RALYL: variants seen among roughly 807,000 people sequenced by gnomAD.
RALYL encodes the protein RALY RNA binding protein like.
Under a neutral mutation model 35.1 loss-of-function variants are expected in RALYL, and 29 were observed. The observed-to-expected ratio is 0.83, with a 90% CI of 0.61 to 1.13. The LOEUF (loss-of-function observed/expected upper bound fraction) is 1.13, where lower values mean the gene tolerates loss of function less well. Among genes scored for constraint, RALYL ranks in the 50% most tolerant of loss-of-function variants. The probability of loss-of-function intolerance (pLI) is 0.00; values close to 1 mark genes in which losing one functional copy is unlikely to be tolerated. For missense variants in RALYL, 359 were observed against 360.4 expected (o/e 1.00, Z 0.03); for synonymous variants, 120 against 127.6 (o/e 0.94, Z 0.40).
chr8:84,387,755 G>C (rs1302118787), intron 1 of RALYL, among the ~76,000 whole-genome samples: 2 of 149,720 alleles, frequency 1.3e-5, no homozygotes, highest in African/African-American at 2.5e-5. Flanking sequence ...ATCTCCTTCT[G>C]CAGTTCCCTT....
At chr8:84,854,428 C>T (rs150919537) in intron 5 of RALYL, among the ~76,000 whole-genome samples, 41 of 152,206 alleles carry the variant, frequency 2.7e-4, no homozygotes, top group African/African-American at 8.7e-4. Flanking sequence ...ACAGCAGTGT[C>T]CATATAACTG....
rs180905523 is a variant in RALYL at position 84,431,182 on chromosome 8, G to T, written c.-23-98117G>T. Among the ~76,000 whole-genome samples the T allele has an allele frequency of 1.5e-3, 227 of 152,198 alleles. 2 individuals are homozygous for T. The highest frequency in any genetic ancestry group is 4.5e-3 in the African/African-American group (185 of 41,520). On this transcript the variant is annotated intron_variant, in intron 1 of 8. Transcript: ENST00000521268. ...TTTAGCCCTCACAACAGCCTATAAGGTTTTACTGTTAAGCCTCCTTCCACT... is the reference window on the plus strand; with the variant it reads ...TTTAGCCCTCACAACAGCCTATAAGTTTTTACTGTTAAGCCTCCTTCCACT...
intron 1 of RALYL, among the ~76,000 whole-genome samples, chr8:84,236,904 A>C (rs2131512835): frequency 6.6e-6 from 1 of 152,320 alleles, no homozygotes; most frequent in South Asian, 2.1e-4. Flanking sequence ...TGAAAGAAAT[A>C]ATATGGTGTA....
chr8:84,891,047 G>A (rs779250542), intron 8 of RALYL, among the ~76,000 whole-genome samples: 6 of 152,140 alleles, frequency 3.9e-5, no homozygotes, highest in Non-Finnish European at 7.4e-5. Flanking sequence ...CTTAGGGACC[G>A]AGATATTTCA....
chr8:84,758,702 A>T (rs1812005515), intron 2 of RALYL, among the ~76,000 whole-genome samples: 1 of 152,136 alleles, frequency 6.6e-6, no homozygotes, highest in African/African-American at 2.4e-5. Flanking sequence ...AAGATGAAAG[A>T]CACCATCTTT....
chr8:84,221,205 A>G (rs1284312274), intron 1 of RALYL, among the ~76,000 whole-genome samples: 1 of 152,074 alleles, frequency 6.6e-6, no homozygotes, highest in Non-Finnish European at 1.5e-5. Context: ...ATATCAGTTA[A>G]TTAATTCCAG....
intron 3 of RALYL, among the ~76,000 whole-genome samples, chr8:84,791,592 T>C (rs1305259761): frequency 6.6e-6 from 1 of 152,150 alleles, no homozygotes; most frequent in African/African-American, 2.4e-5. Context: ...TAGGGTAGAA[T>C]GTGGGAGACC....
chr8:84,760,190 C>T (rs970736357), intron 2 of RALYL, among the ~76,000 whole-genome samples: 1 of 152,016 alleles, frequency 6.6e-6, no homozygotes, highest in African/African-American at 2.4e-5. Flanking sequence ...GTGAATGACA[C>T]TGTAAATTTA....
chr8:84,797,523 T>C (rs551598974), intron 3 of RALYL, among the ~76,000 whole-genome samples: 64 of 152,312 alleles, frequency 4.2e-4, no homozygotes, highest in African/African-American at 1.3e-3. Flanking sequence ...GGAAGTGTGG[T>C]GGGGACAGAT....
chr8:84,788,428 G>T (rs529032047), intron 3 of RALYL, among the ~76,000 whole-genome samples: 3 of 152,182 alleles, frequency 2.0e-5, no homozygotes, highest in African/African-American at 7.2e-5. Context: ...TCTTTAAAGA[G>T]AATTTTATAA....
At chr8:84,915,095 A>G (rs1186821568) in intron 8 of RALYL, among the ~76,000 whole-genome samples, 2 of 152,042 alleles carry the variant, frequency 1.3e-5, no homozygotes. Flanking sequence ...TAGAAACCAA[A>G]TGAAAATATA....
intron 2 of RALYL, among the ~76,000 whole-genome samples, chr8:84,656,784 T>A (rs1830035153): frequency 6.6e-6 from 1 of 151,960 alleles, no homozygotes; most frequent in African/African-American, 2.4e-5. Flanking sequence ...TGAGAAAAAA[T>A]ATATTTTAAA....
intron 5 of RALYL, among the ~76,000 whole-genome samples, chr8:84,852,715 A>G (rs1273920851): frequency 1.3e-5 from 2 of 152,192 alleles, no homozygotes; most frequent in African/African-American, 4.8e-5. Flanking sequence ...TCAGACCCCA[A>G]GAGAGGGTTC....
At chr8:84,517,611 T>C (rs1244920538) in intron 1 of RALYL, among the ~76,000 whole-genome samples, 1 of 152,112 alleles carries the variant, frequency 6.6e-6, no homozygotes, top group African/African-American at 2.4e-5. Context: ...AAAGTCCAAA[T>C]TCAGCTTCAG....
At chr8:84,235,642 A>C (rs1826348931) in intron 1 of RALYL, among the ~76,000 whole-genome samples, 2 of 152,218 alleles carry the variant, frequency 1.3e-5, no homozygotes, top group South Asian at 4.1e-4. Context: ...CTAAAACCTC[A>C]ACACAGCATT....
chr8:84,785,545 C>G (rs901241206), intron 3 of RALYL, among the ~76,000 whole-genome samples: 3 of 152,116 alleles, frequency 2.0e-5, no homozygotes, highest in African/African-American at 7.2e-5. Context: ...TTCCTTCAAA[C>G]TCGGTGCAGT....
rs142908462 is a variant in RALYL at position 84,427,961 on chromosome 8, G to A, written c.-23-101338G>A. On this transcript the variant is annotated intron_variant, in intron 1 of 8. Transcript: ENST00000521268. ...TTCAATTCATTATTGCTAAGGCAAT[G>A]AATCTATCTTCAAATCTGTATGTCT... is the stretch of plus-strand genomic sequence containing the variant. Among the ~76,000 whole-genome samples, 7 of 152,214 alleles carry A rather than the reference G, an allele frequency of 4.6e-5. No individual in the cohort carries two copies. In the East Asian group the frequency reaches 1.4e-3, roughly 29 times the overall value.
intron 4 of RALYL, among the ~76,000 whole-genome samples, chr8:84,843,449 T>C (rs1268934345): frequency 6.6e-6 from 1 of 152,106 alleles, no homozygotes; most frequent in African/African-American, 2.4e-5. Flanking sequence ...TACAAACCAC[T>C]GCTCAATGAA....
At chr8:84,834,370 C>T (rs142160027) in intron 4 of RALYL, among the ~76,000 whole-genome samples, 218 of 152,260 alleles carry the variant, frequency 1.4e-3, no homozygotes, top group Non-Finnish European at 2.9e-3. Context: ...AGATGCAAAT[C>T]TCACTGGAGG....
Sources: gnomAD v4.1 joint callset for allele counts (sites outside exome capture counted in the v4.1 genomes callset) on GRCh38, gnomAD v4.1.1 for gene constraint, MANE v1.5 for transcripts, NCBI Gene and HGNC (gene_info 2026-07-23, HGNC 2026-07-21) for gene names.